The following ENOX1 variants were observed in gnomAD, a reference collection of about 807,000 sequenced individuals.
ENOX1 encodes candidate growth-related and time keeping constitutive hydroquinone (NADH) oxidase.
A neutral mutation model predicts 82.5 loss-of-function variants in ENOX1; 42 were observed. That is an observed-to-expected ratio of 0.51 (90% CI 0.40 to 0.66). ENOX1 has a LOEUF of 0.66. Among genes scored for constraint, ENOX1 ranks in the 30% least tolerant of loss-of-function variants. ENOX1 has a pLI of 0.00. For missense variants in ENOX1, 608 were observed against 811.6 expected (o/e 0.75, Z 3.05); for synonymous variants, 271 against 282.2 (o/e 0.96, Z 0.40).
chr13:43,298,426 GTTC>G lies in ENOX1; in HGVS notation c.1363_1365del (p.Glu455del). On this transcript the variant is annotated inframe_deletion, in exon 12 of 17. Coordinates refer to ENST00000690772, the MANE Select transcript of ENOX1 (RefSeq NM_001347969.2). ...AGGTTTTCTTCTGTTCGGAAAAGCT[GTTC>G]TTTTTCTTGTTTCAGCAGCTCCACC... is the stretch of plus-strand genomic sequence containing the variant. 6.2e-7 allele frequency: 1 copy of G among 1,614,020 alleles called. No individual in the cohort carries two copies. The highest frequency in any genetic ancestry group is 8.5e-7 in the Non-Finnish European group (1 of 1,180,010).
intron 14 of ENOX1, among the ~76,000 whole-genome samples, chr13:43,261,372 T>C (rs2044048190): frequency 6.6e-6 from 1 of 152,182 alleles, no homozygotes; most frequent in African/African-American, 2.4e-5. Context: ...TTCCAGAAGT[T>C]TGAAGCTCCC....
intron 1 of ENOX1, among the ~76,000 whole-genome samples, chr13:43,731,683 A>G (rs927952259): frequency 1.3e-5 from 2 of 152,232 alleles, no homozygotes; most frequent in African/African-American, 2.4e-5. Flanking sequence ...TTCAAACTAC[A>G]TTTAATTTAG....
intron 2 of ENOX1, among the ~76,000 whole-genome samples, chr13:43,593,024 G>A (rs188057003): frequency 5.3e-5 from 8 of 152,286 alleles, no homozygotes; most frequent in Admixed American, 3.9e-4. Context: ...CAGCAGCAAC[G>A]CTGTGCTAGT....
rs544647212 is a variant in ENOX1 at position 43,351,416 on chromosome 13, A to AT, written c.823+4502dup. Among the ~76,000 whole-genome samples, 87 of 54,128 alleles carry AT rather than the reference A, an allele frequency of 1.6e-3. No individual in the cohort carries two copies. The South Asian group carries it at 0.025, about 15-fold the overall frequency. 35.5% of individuals were successfully genotyped at this position (54,128 alleles called of 152,430 possible). A position where few individuals can be genotyped will look rare whatever the true frequency, so the allele number is the denominator to read the frequency against. On this transcript the variant is annotated intron_variant, in intron 8 of 16. Coordinates refer to ENST00000690772, the MANE Select transcript of ENOX1 (RefSeq NM_001347969.2). ...TCTTTTTATTTTATTTATTTATTTT[A>AT]TTTATTTATTTATTTATTTTTTATT...
chr13:43,436,934 T>C (rs1180169053), intron 3 of ENOX1, among the ~76,000 whole-genome samples: 2 of 152,168 alleles, frequency 1.3e-5, no homozygotes, highest in South Asian at 4.1e-4. Flanking sequence ...ATAATTTCTC[T>C]GATGAATTTT....
rs200774850 is a variant in ENOX1 at position 43,324,666 on chromosome 13, C to A, written c.1143+1753G>T. Among the ~76,000 whole-genome samples, 4 of 152,286 alleles carry A rather than the reference C, an allele frequency of 2.6e-5. No individual in the cohort carries two copies. The East Asian group carries it at 7.7e-4, about 29-fold the overall frequency. ...GTAGCAGGAAGGCAAAAAGACCCTT[C>A]GCAGGAGCACCTTTGACAGCTGCAC... On this transcript the variant is annotated intron_variant, in intron 10 of 16. Transcript: ENST00000690772.
chr13:43,431,222 C>T (rs2055638909), intron 3 of ENOX1, among the ~76,000 whole-genome samples: 1 of 152,158 alleles, frequency 6.6e-6, no homozygotes, highest in Admixed American at 6.5e-5. Context: ...GTTTCTGGCT[C>T]CTGGTCACCT....
intron 3 of ENOX1, among the ~76,000 whole-genome samples, chr13:43,423,113 T>C (rs998252962): frequency 7.9e-5 from 12 of 152,178 alleles, no homozygotes; most frequent in Admixed American, 6.5e-4. Context: ...GTGTAGGACC[T>C]TTCACATTTA....
At position 43,470,328 on chromosome 13, in the gene ENOX1, ATG is replaced by A. The variant is rs1566306506; in HGVS notation, c.-75+13679_-75+13680del. Reference sequence around the variant, plus strand: ...TATACATATATATACACATATATATATGTATATATATACGTATATATATATGT... The same window carrying A: ...TATACATATATATACACATATATATATATATATATACGTATATATATATGT... On this transcript the variant is annotated intron_variant, in intron 3 of 16. Coordinates refer to ENST00000690772, the MANE Select transcript of ENOX1 (RefSeq NM_001347969.2). Among the ~76,000 whole-genome samples the A allele has an allele frequency of 3.3e-4, 19 of 57,238 alleles. 1 individual carries two copies. The highest frequency in any genetic ancestry group is 2.1e-3 in the South Asian group (3 of 1,432). 37.6% of individuals were successfully genotyped at this position (57,238 alleles called of 152,430 possible). A position where few individuals can be genotyped will look rare whatever the true frequency, so the allele number is the denominator to read the frequency against.
intron 12 of ENOX1, among the ~76,000 whole-genome samples, chr13:43,296,913 C>T (rs917026266): frequency 6.6e-6 from 1 of 152,176 alleles, no homozygotes; most frequent in Non-Finnish European, 1.5e-5. Context: ...GACGGCCTCT[C>T]ATCTTGGCGA....
intron 3 of ENOX1, among the ~76,000 whole-genome samples, chr13:43,474,804 C>T (rs540870790): frequency 2.0e-5 from 3 of 151,174 alleles, no homozygotes; most frequent in African/African-American, 7.3e-5. Flanking sequence ...TAATATGGAC[C>T]CTGATGTAAA....
Position 43,770,074 on chromosome 13 carries a change from A to G in ENOX1, c.-285+16578T>C, listed in dbSNP as rs181655875. ...TATGCTTAGAGCAGCAATGAATTTT[A>G]GAATGAAAAATTGGAAACAAATGTC... On this transcript the variant is annotated intron_variant, in intron 1 of 16. Coordinates refer to ENST00000690772, the MANE Select transcript of ENOX1 (RefSeq NM_001347969.2). Among the ~76,000 whole-genome samples, 4 of 152,376 alleles carry G rather than the reference A, an allele frequency of 2.6e-5. 1 individual carries two copies. The highest frequency in any genetic ancestry group is 2.6e-4 in the Admixed American group (4 of 15,314).
At chr13:43,226,980 C>A (rs1234017969) in intron 15 of ENOX1, among the ~76,000 whole-genome samples, 2 of 150,636 alleles carry the variant, frequency 1.3e-5, no homozygotes, top group East Asian at 3.8e-4. Flanking sequence ...AAATAAATAA[C>A]AATATTTTTC....
intron 10 of ENOX1, among the ~76,000 whole-genome samples, chr13:43,323,650 C>T (rs1000038481): frequency 2.6e-5 from 4 of 152,092 alleles, no homozygotes; most frequent in Non-Finnish European, 4.4e-5. Flanking sequence ...ACAGGGGAAG[C>T]CTCCATTATT....
chr13:43,259,403 A>G (rs2043929193), intron 14 of ENOX1, among the ~76,000 whole-genome samples: 1 of 152,204 alleles, frequency 6.6e-6, no homozygotes, highest in South Asian at 2.1e-4. Flanking sequence ...GCAGGATGCA[A>G]GAGCTGCAAC....
chr13:43,670,775 G>A (rs2085223807), intron 1 of ENOX1, among the ~76,000 whole-genome samples: 1 of 152,076 alleles, frequency 6.6e-6, no homozygotes, highest in Non-Finnish European at 1.5e-5. Flanking sequence ...CCCAGGAAGT[G>A]GAGGTTGCAG....
chr13:43,291,718 C>T lies in ENOX1; in HGVS notation c.1446+6628G>A, dbSNP rs573643386. Among the ~76,000 whole-genome samples the T allele has an allele frequency of 6.6e-5, 10 of 152,200 alleles. No homozygotes were observed. The East Asian group carries it at 7.7e-4, about 12-fold the overall frequency. On this transcript the variant is annotated intron_variant, in intron 12 of 16. Transcript: ENST00000690772. ...AGACTGGGTTAAAGGTAAAGGCCCC[C>T]GAAACAGGCTCCTGTTCAAGATGTC...
chr13:43,761,376 C>T (rs137902948), intron 1 of ENOX1, among the ~76,000 whole-genome samples: 91 of 152,320 alleles, frequency 6.0e-4, no homozygotes, highest in African/African-American at 2.1e-3. Context: ...GCCACATGGA[C>T]TCATCACATT....
chr13:43,728,926 A>T lies in ENOX1; in HGVS notation c.-285+57726T>A, dbSNP rs562114132. ...GAAAGTATCATTAAGAATCTGACTG[A>T]CTGGGAAAGAAAGACTGGGAGAAAA... On this transcript the variant is annotated intron_variant, in intron 1 of 16. Transcript: ENST00000690772. Among the ~76,000 whole-genome samples, 23 of 152,286 alleles carry T rather than the reference A, an allele frequency of 1.5e-4. No homozygotes were observed. In the South Asian group the frequency reaches 4.8e-3, roughly 32 times the overall value.
Sources: gnomAD v4.1 joint callset for allele counts (sites outside exome capture counted in the v4.1 genomes callset) on GRCh38, gnomAD v4.1.1 for gene constraint, MANE v1.5 for transcripts, NCBI Gene and HGNC (gene_info 2026-07-23, HGNC 2026-07-21) for gene names.